KIF15: variants seen among roughly 807,000 people sequenced by gnomAD.
KIF15 encodes the protein kinesin family member 15.
Under a neutral mutation model 190.6 loss-of-function variants are expected in KIF15, and 140 were observed. That is an observed-to-expected ratio of 0.73 (90% CI 0.64 to 0.84). The LOEUF (loss-of-function observed/expected upper bound fraction) is 0.84, where lower values mean the gene tolerates loss of function less well. Among genes scored for constraint, KIF15 ranks in the 40% least tolerant of loss-of-function variants. KIF15 has a pLI of 0.00. For synonymous variants in KIF15, 528 were observed against 551.3 expected, an observed-to-expected ratio of 0.96 and a Z score of 0.59; for missense variants, 1,372 against 1,584.4, an observed-to-expected ratio of 0.87 and a Z score of 2.28.
intron 6 of KIF15, among the ~76,000 whole-genome samples, chr3:44,861,634 C>T (rs1699247566): frequency 6.6e-6 from 1 of 152,210 alleles, no homozygotes; most frequent in African/African-American, 2.4e-5. Context: ...GGCTAAGCCG[C>T]GAGAAGTTTA....
chr3:44,864,033 G>T, intron 6 of KIF15: 1 of 709,778 alleles, frequency 1.4e-6, no homozygotes. Context: ...GCCCACTGAG[G>T]GTTAAGTGAA....
intron 2 of KIF15, 122 bp from the exon 3 acceptor site, chr3:44,775,132 A>G (rs1167696227): frequency 4.1e-6 from 3 of 734,292 alleles, no homozygotes; most frequent in Non-Finnish European, 6.8e-6. Context: ...TGTATGGGAT[A>G]TGTCTTGGGC....
intron 5 of KIF15, among the ~76,000 whole-genome samples, chr3:44,783,374 CAAAG>C (rs998772408): frequency 9.2e-5 from 14 of 151,692 alleles, no homozygotes; most frequent in African/African-American, 1.2e-4. Context: ...GAGAGAGAGA[CAAAG>C]AGAGAGAGAG....
chr3:44,861,848 C>T (rs1468483170), intron 6 of KIF15: 3 of 1,420,118 alleles, frequency 2.1e-6, no homozygotes, highest in Non-Finnish European at 2.8e-6. Context: ...CGTCGCGTCA[C>T]GTGAGGCTGC....
intron 6 of KIF15, chr3:44,861,944 C>G: frequency 7.1e-7 from 1 of 1,416,896 alleles, no homozygotes; most frequent in Non-Finnish European, 9.2e-7. Context: ...AGGCCGGGGC[C>G]TCCGGGCGGC....
chr3:44,821,880 G>A (rs924970993), intron 20 of KIF15, among the ~76,000 whole-genome samples: 6 of 152,250 alleles, frequency 3.9e-5, no homozygotes, highest in African/African-American at 1.2e-4. Flanking sequence ...CCGGCACCTC[G>A]GGAGGCCGAG....
chr3:44,865,385 C>A, intron 6 of KIF15: 1 of 633,912 alleles, frequency 1.6e-6, no homozygotes, highest in Non-Finnish European at 2.6e-6. Flanking sequence ...TTTTGATCAT[C>A]TGTACAGTGC....
In KIF15 at chr3:44,812,304, ACAGCCT is replaced by A. The variant is rs769321324; in HGVS notation, c.2277+19_2277+24del. 1 of 1,574,870 alleles carries A rather than the reference ACAGCCT, an allele frequency of 6.3e-7. No homozygotes were observed. Among genetic ancestry groups the A allele is most frequent in the Admixed American group, 1.7e-5 (1 of 59,382 alleles). ...AAATGCAGGAGGTGAGACCAAGAGC[ACAGCCT>A]CAGAAAATGTATGAAGTACCCTCAA... On this transcript the variant is annotated intron_variant, in intron 18 of 34. Transcript: ENST00000326047.
At position 44,810,887 on chromosome 3, in the gene KIF15, A is replaced by G; in HGVS notation, c.2013A>G (p.Arg671=). 6.2e-7 allele frequency: 1 copy of G among 1,614,006 alleles called. No individual in the cohort carries two copies. Among genetic ancestry groups the G allele is most frequent in the Non-Finnish European group, 8.5e-7 (1 of 1,179,980 alleles). ...CCAAGGCCTACCAACTTCATTCCCG[A>G]CCAGTACCAAAATTAAGCCCTGAAA... ...TPTKAYQLHS[R]PVPKLSPEMG... is the part of the protein sequence containing the mutation. Residue 671 remains arginine (R), a synonymous_variant, in exon 17 of 35, where the codon CGA becomes CGG. Coordinates refer to ENST00000326047, the MANE Select transcript of KIF15 (RefSeq NM_020242.3).
intron 26 of KIF15, among the ~76,000 whole-genome samples, chr3:44,835,035 A>C (rs913797607): frequency 7.3e-5 from 11 of 150,954 alleles, no homozygotes; most frequent in Non-Finnish European, 1.3e-4. Context: ...AAAACATAAC[A>C]GGAGCTTTTA....
chr3:44,795,678 G>GTT, intron 8 of KIF15, among the ~76,000 whole-genome samples: 1 of 104,308 alleles, frequency 9.6e-6, no homozygotes, highest in Non-Finnish European at 2.0e-5. Flanking sequence ...GTCAATATGT[G>GTT]TTTATATATA....
chr3:44,787,258 T>TC (rs536490065), intron 7 of KIF15, among the ~76,000 whole-genome samples: 55 of 152,300 alleles, frequency 3.6e-4, no homozygotes, highest in African/African-American at 1.3e-3. Flanking sequence ...CTATCCCATA[T>TC]CCCTGGCTCT....
intron 9 of KIF15, 22 bp from the exon 10 acceptor site, chr3:44,797,812 G>C (rs1275914186): frequency 6.2e-7 from 1 of 1,610,354 alleles, no homozygotes; most frequent in South Asian, 1.1e-5. Flanking sequence ...CCGAAAATAT[G>C]TTCATTCCTA....
intron 10 of KIF15, among the ~76,000 whole-genome samples, chr3:44,798,887 G>A (rs568262831): frequency 2.0e-5 from 3 of 152,274 alleles, no homozygotes; most frequent in Admixed American, 6.5e-5. Flanking sequence ...ACAAGACTGC[G>A]CCCAACTTCT....
intron 6 of KIF15, among the ~76,000 whole-genome samples, chr3:44,859,761 G>A (rs1328130852): frequency 2.0e-5 from 3 of 152,152 alleles, no homozygotes; most frequent in Non-Finnish European, 4.4e-5. Flanking sequence ...GGGAGCTCAA[G>A]GCTGAAGTGA....
chr3:44,807,736 A>C (rs1707582186), intron 16 of KIF15, among the ~76,000 whole-genome samples: 1 of 151,442 alleles, frequency 6.6e-6, no homozygotes, highest in Non-Finnish European at 1.5e-5. Flanking sequence ...AATATTTTAG[A>C]GTTTGTCCCA....
In KIF15 at chr3:44,814,771, T is replaced by C. The variant is rs1044308102; in HGVS notation, c.2384-140T>C. On this transcript the variant is annotated intron_variant, in intron 19 of 34. Coordinates refer to ENST00000326047, the MANE Select transcript of KIF15 (RefSeq NM_020242.3). ...AAATAGAAATCTCAGTGCTGCTAGG[T>C]ACCCGCCACTTAATTCTTTAACATT... 3 of 544,628 alleles carry C rather than the reference T, an allele frequency of 5.5e-6. No individual in the cohort carries two copies. In the African/African-American group the frequency reaches 5.9e-5, roughly 11 times the overall value. 33.7% of individuals were successfully genotyped at this position (544,628 alleles called of 1,614,324 possible). A position where few individuals can be genotyped will look rare whatever the true frequency, so the allele number is the denominator to read the frequency against.
intron 1 of KIF15, among the ~76,000 whole-genome samples, chr3:44,763,816 T>C (rs1705263325): frequency 6.6e-6 from 1 of 152,106 alleles, no homozygotes; most frequent in Non-Finnish European, 1.5e-5. Flanking sequence ...GCCTCCCAAG[T>C]AGCTGGGACT....
At chr3:44,826,561 A>AT (rs1247543730) in intron 22 of KIF15, 101 bp downstream of exon 22, 36 of 783,704 alleles carry the variant, frequency 4.6e-5, no homozygotes, top group Non-Finnish European at 4.3e-5. Context: ...GTAAAGAGTT[A>AT]TTTTTTTAAA....
Sources: gnomAD v4.1 joint callset for allele counts (sites outside exome capture counted in the v4.1 genomes callset) on GRCh38, gnomAD v4.1.1 for gene constraint, MANE v1.5 for transcripts, NCBI Gene and HGNC (gene_info 2026-07-23, HGNC 2026-07-21) for gene names.